Variants in SYT1 observed in about 807,000 individuals in gnomAD.
SYT1 encodes synaptotagmin-1.
Under a neutral mutation model 44.8 loss-of-function variants are expected in SYT1, and 8 were observed. The ratio of observed to expected loss-of-function variants is 0.18; its 90% CI spans 0.10 to 0.32. SYT1 has a LOEUF of 0.32. Ranked by LOEUF, SYT1 falls within the 10% of genes least tolerant of loss-of-function variation. The pLI, the probability that SYT1 is intolerant of heterozygous loss-of-function variation, is 1.00. For missense variants in SYT1, 286 were observed against 509.3 expected, an observed-to-expected ratio of 0.56 and a Z score of 4.22; for synonymous variants, 154 against 188.8, an observed-to-expected ratio of 0.82 and a Z score of 1.51.
At chr12:79,121,822 T>G (rs1031583061) in intron 3 of SYT1, among the ~76,000 whole-genome samples, 2 of 152,234 alleles carry the variant, frequency 1.3e-5, no homozygotes, top group Admixed American at 1.3e-4. Context: ...CTTGTATTTG[T>G]TTAAATATCA....
chr12:78,954,092 A>G (rs1879100375), intron 1 of SYT1, among the ~76,000 whole-genome samples: 1 of 152,128 alleles, frequency 6.6e-6, no homozygotes, highest in Non-Finnish European at 1.5e-5. Flanking sequence ...GGCCTTAGAG[A>G]AATAATGCAT....
At chr12:79,366,020 A>G (rs1225841888) in intron 9 of SYT1, among the ~76,000 whole-genome samples, 1 of 152,214 alleles carries the variant, frequency 6.6e-6, no homozygotes, top group Non-Finnish European at 1.5e-5. Flanking sequence ...AGTCATTTTG[A>G]AGGGAAGTTC....
At chr12:79,309,407 T>A (rs1161006887) in intron 8 of SYT1, among the ~76,000 whole-genome samples, 5 of 152,032 alleles carry the variant, frequency 3.3e-5, no homozygotes, top group African/African-American at 4.8e-5. Context: ...TTTTATCTGA[T>A]GATCTCTTTG....
At chr12:79,261,647 A>G (rs1408104172) in intron 4 of SYT1, among the ~76,000 whole-genome samples, 1 of 152,160 alleles carries the variant, frequency 6.6e-6, no homozygotes, top group Non-Finnish European at 1.5e-5. Flanking sequence ...ACAGAATTTG[A>G]TATATATTTC....
rs745533524 is a variant in SYT1, at chr12:79,217,684, A to G, written c.165A>G (p.Pro55=). The G allele has an allele frequency of 3.4e-5, 54 of 1,611,850 alleles. No individual in the cohort carries two copies. The highest frequency in any genetic ancestry group is 4.6e-5 in the Non-Finnish European group (54 of 1,179,008). Reference sequence around the variant, plus strand: ...TTATGAATGAGTTGCATAAAATTCCATGTGAGTATTCTATATTAGTACTTG... The same window carrying G: ...TTATGAATGAGTTGCATAAAATTCCGTGTGAGTATTCTATATTAGTACTTG... ...EKFMNELHKI[P]LPPWALIAIA... The change falls in exon 4 of 11, where the codon CCA becomes CCG. Residue 55 remains proline, a splice_region_variant and synonymous_variant. Transcript: ENST00000261205.
intron 7 of SYT1, among the ~76,000 whole-genome samples, chr12:79,298,193 T>A (rs961334961): frequency 1.3e-4 from 20 of 152,204 alleles, no homozygotes; most frequent in African/African-American, 4.8e-4. Flanking sequence ...TACAATAACA[T>A]TTTCAAGGGT....
chr12:79,191,703 T>C (rs1231086048), intron 3 of SYT1, among the ~76,000 whole-genome samples: 1 of 152,160 alleles, frequency 6.6e-6, no homozygotes, highest in Admixed American at 6.6e-5. Flanking sequence ...GTTGTTTCTT[T>C]TTTATTGTCA....
chr12:79,371,832 G>T (rs2136050723), intron 9 of SYT1, among the ~76,000 whole-genome samples: 1 of 152,080 alleles, frequency 6.6e-6, no homozygotes, highest in Admixed American at 6.5e-5. Flanking sequence ...TTTTTAGTTT[G>T]GTAAAATGTA....
intron 4 of SYT1, among the ~76,000 whole-genome samples, chr12:79,251,022 G>A (rs1354651702): frequency 3.9e-5 from 6 of 152,100 alleles, no homozygotes; most frequent in African/African-American, 1.4e-4. Context: ...TGTACTCAAT[G>A]TGGAAATACA....
chr12:79,337,271 A>G (rs532739369), intron 8 of SYT1, among the ~76,000 whole-genome samples: 30 of 152,306 alleles, frequency 2.0e-4, no homozygotes, highest in African/African-American at 7.2e-4. Flanking sequence ...GGCATTCCCC[A>G]CAGCTCCTCT....
intron 2 of SYT1, among the ~76,000 whole-genome samples, chr12:79,012,246 TG>T (rs1871461735): frequency 6.6e-6 from 1 of 152,054 alleles, no homozygotes; most frequent in Admixed American, 6.5e-5. Context: ...ACTCTATTTT[TG>T]GGAATCAGCA....
chr12:79,116,418 G>A, intron 3 of SYT1, among the ~76,000 whole-genome samples: 1 of 152,168 alleles, frequency 6.6e-6, no homozygotes, highest in Non-Finnish European at 1.5e-5. Flanking sequence ...AATTAGGAAG[G>A]CAAAGTATTT....
At chr12:78,994,353 T>C (rs1227360683) in intron 2 of SYT1, among the ~76,000 whole-genome samples, 2 of 152,182 alleles carry the variant, frequency 1.3e-5, no homozygotes, top group Non-Finnish European at 2.9e-5. Context: ...GAATCACAAG[T>C]GGATGTCTAT....
At chr12:79,039,538 T>C (rs946032596) in intron 2 of SYT1, among the ~76,000 whole-genome samples, 1 of 151,988 alleles carries the variant, frequency 6.6e-6, no homozygotes, top group Non-Finnish European at 1.5e-5. Context: ...CCATCCATAT[T>C]CAGAGCATAG....
At chr12:79,136,834 T>G (rs1386904492) in intron 3 of SYT1, among the ~76,000 whole-genome samples, 1 of 152,224 alleles carries the variant, frequency 6.6e-6, no homozygotes, top group African/African-American at 2.4e-5. Flanking sequence ...TGATCAATTT[T>G]AAATATGGCC....
chr12:78,942,187 G>C (rs957817111), intron 1 of SYT1, among the ~76,000 whole-genome samples: 8 of 151,834 alleles, frequency 5.3e-5, no homozygotes, highest in Non-Finnish European at 1.2e-4. Flanking sequence ...CAAGCTTTAT[G>C]TCCTTTAACT....
chr12:79,113,693 T>C (rs1466207607), intron 3 of SYT1, among the ~76,000 whole-genome samples: 7 of 152,046 alleles, frequency 4.6e-5, no homozygotes, highest in Non-Finnish European at 2.9e-5. Flanking sequence ...TTAGGAAATT[T>C]TGCCAGAGAA....
chr12:79,124,005 C>G (rs553642100), intron 3 of SYT1, among the ~76,000 whole-genome samples: 13 of 152,328 alleles, frequency 8.5e-5, no homozygotes, highest in African/African-American at 3.1e-4. Context: ...CAAGCACATA[C>G]TATGCGCCAG....
At chr12:79,033,730 AT>A (rs1872960444) in intron 2 of SYT1, among the ~76,000 whole-genome samples, 1 of 151,398 alleles carries the variant, frequency 6.6e-6, no homozygotes, top group South Asian at 2.1e-4. Context: ...ATTTTTAAAA[AT>A]TTTACTTCTA....
Sources: gnomAD v4.1 joint callset for allele counts (sites outside exome capture counted in the v4.1 genomes callset) on GRCh38, gnomAD v4.1.1 for gene constraint, MANE v1.5 for transcripts, NCBI Gene and HGNC (gene_info 2026-07-23, HGNC 2026-07-21) for gene names.